REEP3: variants seen among roughly 807,000 people sequenced by gnomAD.
The protein encoded by REEP3 is receptor expression-enhancing protein 3.
Under a neutral mutation model 41.3 loss-of-function variants are expected in REEP3, and 20 were observed. That is an observed-to-expected ratio of 0.48 (90% confidence interval 0.34 to 0.70). The LOEUF (loss-of-function observed/expected upper bound fraction) is 0.70, where lower values mean the gene tolerates loss of function less well. Ranked by LOEUF, REEP3 falls within the 30% of genes least tolerant of loss-of-function variation. The pLI, the probability that REEP3 is intolerant of heterozygous loss-of-function variation, is 0.01. For synonymous variants in REEP3, 104 were observed against 101.8 expected (o/e 1.02, Z -0.13); for missense variants, 271 against 308.8 (o/e 0.88, Z 0.92).
At chr10:63,592,872 G>A (rs992952200) in intron 2 of REEP3, among the ~76,000 whole-genome samples, 4 of 152,040 alleles carry the variant, frequency 2.6e-5, no homozygotes, top group Admixed American at 6.6e-5. Flanking sequence ...CACCCTGGGC[G>A]ACAGAGCAAG....
At chr10:63,566,870 T>TCAGA (rs777138511) in intron 2 of REEP3, among the ~76,000 whole-genome samples, 9 of 152,230 alleles carry the variant, frequency 5.9e-5, no homozygotes, top group Admixed American at 2.6e-4. Flanking sequence ...CCTTCTTGAA[T>TCAGA]CAGACTCCAT....
At chr10:63,601,740 G>A (rs1468873601) in intron 5 of REEP3, among the ~76,000 whole-genome samples, 1 of 152,088 alleles carries the variant, frequency 6.6e-6, no homozygotes, top group South Asian at 2.1e-4. Context: ...CCAACGTGGT[G>A]AAACCCAGTT....
At chr10:63,532,618 T>G (rs942558653) in intron 1 of REEP3, among the ~76,000 whole-genome samples, 19 of 149,318 alleles carry the variant, frequency 1.3e-4, no homozygotes, top group African/African-American at 4.7e-4. Flanking sequence ...ATCGCGCCAC[T>G]GCACTCCAGC....
chr10:63,605,982 G>C, intron 5 of REEP3: 1 of 267,354 alleles, frequency 3.7e-6, no homozygotes, highest in Non-Finnish European at 5.8e-6. Context: ...GCCAGCTGAA[G>C]TTCAGATGGT....
At chr10:63,598,196 G>A in intron 4 of REEP3, 52 bp downstream of exon 4, 1 of 1,349,676 alleles carries the variant, frequency 7.4e-7, no homozygotes, top group South Asian at 1.3e-5. Flanking sequence ...TGCCTAAGCG[G>A]AGGCCAGGTG....
intron 5 of REEP3, among the ~76,000 whole-genome samples, chr10:63,602,349 AGAG>A (rs1266980224): frequency 1.3e-5 from 2 of 152,218 alleles, no homozygotes; most frequent in African/African-American, 4.8e-5. Context: ...CAGCGGATGA[AGAG>A]GAGAAGGAGA....
At chr10:63,606,327 CCT>C (rs1296639740) in intron 5 of REEP3, among the ~76,000 whole-genome samples, 3 of 137,944 alleles carry the variant, frequency 2.2e-5, no homozygotes, top group Non-Finnish European at 4.7e-5. Flanking sequence ...TCTCTTTCTC[CCT>C]CTCTTTGTTT....
intron 2 of REEP3, among the ~76,000 whole-genome samples, chr10:63,593,189 A>G (rs1439702488): frequency 1.3e-5 from 2 of 152,246 alleles, no homozygotes; most frequent in African/African-American, 2.4e-5. Context: ...TTGAGTTATC[A>G]TTTTATATTG....
chr10:63,537,623 A>G (rs1955487135), intron 1 of REEP3, among the ~76,000 whole-genome samples: 1 of 152,192 alleles, frequency 6.6e-6, no homozygotes, highest in Non-Finnish European at 1.5e-5. Flanking sequence ...TACAGTAACT[A>G]AAGGGGCGAG....
chr10:63,525,744 A>G (rs530479710), intron 1 of REEP3, among the ~76,000 whole-genome samples: 4 of 152,304 alleles, frequency 2.6e-5, no homozygotes, highest in South Asian at 2.1e-4. Context: ...GAGATTACCA[A>G]TGATGTTCCA....
chr10:63,556,696 C>T lies in REEP3; in HGVS notation c.33-9642C>T, dbSNP rs575840230. On this transcript the variant is annotated intron_variant, in intron 1 of 7. Transcript: ENST00000373758. Reference sequence around the variant, plus strand: ...TGTCGCCCAGGCTGGAGTGCAGTGGCGGGATCTCGGCTCACTGCAAGCTCC... The same window carrying T: ...TGTCGCCCAGGCTGGAGTGCAGTGGTGGGATCTCGGCTCACTGCAAGCTCC... Among the ~76,000 whole-genome samples, 6 of 127,254 alleles carry T rather than the reference C, an allele frequency of 4.7e-5. No individual in the cohort carries two copies. In the South Asian group the frequency reaches 8.0e-4, roughly 17 times the overall value. The allele number at this position is 127,254 out of a possible 152,430, so 83.5% of individuals were successfully genotyped here. A position where few individuals can be genotyped will look rare whatever the true frequency, so the allele number is the denominator to read the frequency against.
intron 5 of REEP3, among the ~76,000 whole-genome samples, chr10:63,609,137 T>A (rs1956255713): frequency 6.6e-6 from 1 of 152,170 alleles, no homozygotes; most frequent in South Asian, 2.1e-4. Context: ...TTTAAAACAA[T>A]GTCATGTCTC....
chr10:63,578,563 C>G (rs552535356), intron 2 of REEP3, among the ~76,000 whole-genome samples: 12 of 152,056 alleles, frequency 7.9e-5, no homozygotes, highest in African/African-American at 2.9e-4. Flanking sequence ...TCGCTTGAGT[C>G]CAGGAGTTTG....
chr10:63,606,151 T>C, intron 5 of REEP3: 1 of 924,506 alleles, frequency 1.1e-6, no homozygotes, highest in Non-Finnish European at 1.3e-6. Context: ...CTGCAGAGAA[T>C]AGGATCTAAA....
At chr10:63,614,339 TTATTTTGCTC>T (rs1477792380) in intron 6 of REEP3, among the ~76,000 whole-genome samples, 1 of 152,190 alleles carries the variant, frequency 6.6e-6, no homozygotes, top group Non-Finnish European at 1.5e-5. Flanking sequence ...TCATGGTCAT[TTATTTTGCTC>T]ACAGATCTGG....
At chr10:63,576,199 G>A (rs781329692) in intron 2 of REEP3, among the ~76,000 whole-genome samples, 6 of 152,152 alleles carry the variant, frequency 3.9e-5, no homozygotes, top group Admixed American at 3.9e-4. Flanking sequence ...GCCCATGAAA[G>A]GGCTTATTGA....
intron 2 of REEP3, among the ~76,000 whole-genome samples, chr10:63,568,400 G>A (rs1224964944): frequency 6.6e-6 from 1 of 151,592 alleles, no homozygotes; most frequent in Non-Finnish European, 1.5e-5. Flanking sequence ...CCAAGTAGCT[G>A]GGACTACAGG....
At chr10:63,577,381 T>C (rs10822183) in intron 2 of REEP3, among the ~76,000 whole-genome samples, 67,033 of 151,972 alleles carry the variant, frequency 0.44, 15,027 homozygotes, top group Middle Eastern at 0.48. Context: ...GTCTCTCTCC[T>C]CCTTAAGCAG....
intron 5 of REEP3, among the ~76,000 whole-genome samples, chr10:63,600,487 A>T (rs1956162290): frequency 6.6e-6 from 1 of 152,104 alleles, no homozygotes; most frequent in Non-Finnish European, 1.5e-5. Context: ...TTTTATTAGG[A>T]TAGGTTTATA....
Sources: allele counts gnomAD v4.1 joint callset (sites outside exome capture counted in the v4.1 genomes callset), GRCh38; gene constraint gnomAD v4.1.1; transcripts MANE v1.5; gene names NCBI Gene and HGNC (gene_info 2026-07-23, HGNC 2026-07-21).